The following ZYG11B variants were observed in gnomAD, a reference collection of about 807,000 sequenced individuals.
ZYG11B encodes protein zyg-11 homolog B.
Under a neutral mutation model 82.4 loss-of-function variants are expected in ZYG11B, and 36 were observed. That is an observed-to-expected ratio of 0.44 (90% CI 0.33 to 0.58). The LOEUF is 0.58. ZYG11B is among the 20% of genes least tolerant of loss of function. ZYG11B has a pLI of 0.02. For missense variants in ZYG11B, 552 were observed against 895.6 expected, an observed-to-expected ratio of 0.62 and a Z score of 4.90; for synonymous variants, 303 against 312.8, an observed-to-expected ratio of 0.97 and a Z score of 0.33.
At chr1:52,806,207 T>C (rs1645140391) in intron 10 of ZYG11B, among the ~76,000 whole-genome samples, 1 of 152,176 alleles carries the variant, frequency 6.6e-6, no homozygotes, top group Non-Finnish European at 1.5e-5. Flanking sequence ...TGGTAAATAT[T>C]CCATGTACAC....
intron 13 of ZYG11B, among the ~76,000 whole-genome samples, chr1:52,820,712 TTTAA>T (rs1217977319): frequency 2.7e-5 from 2 of 74,860 alleles, no homozygotes; most frequent in African/African-American, 1.9e-4. Context: ...TGAGACTGTC[TTTAA>T]AAAAAAAAAA....
chr1:52,811,051 A>AGAG (rs71044422), intron 10 of ZYG11B, among the ~76,000 whole-genome samples: 32,413 of 142,748 alleles, frequency 0.23, 6,803 homozygotes, highest in East Asian at 0.54. Context: ...AAAAAAAAAA[A>AGAG]AGAGAAATTT....
At position 52,749,466 on chromosome 1, in the gene ZYG11B, C is replaced by G. The variant is rs531514167; in HGVS notation, c.31-6992C>G. Among the ~76,000 whole-genome samples, 42 of 152,154 alleles carry G rather than the reference C, an allele frequency of 2.8e-4. No homozygotes were observed. In the South Asian group the frequency reaches 8.7e-3, roughly 32 times the overall value. ...CGAATACCTTGCTAAAGTGTTTATA[C>G]TTTATAGGTCTCTCTTTTTCCAACT... On this transcript the variant is annotated intron_variant, in intron 1 of 13. Transcript: ENST00000294353.
In ZYG11B at chr1:52,803,213, TATATATATATACACAC is replaced by T. The variant is rs1558140472; in HGVS notation, c.1695+1092_1695+1107del. ...ACACATATATATATATACACACACA[TATATATATATACACAC>T]ATATATATATACACACACACATATA... is the stretch of plus-strand genomic sequence containing the variant. On this transcript the variant is annotated intron_variant, in intron 10 of 13. Transcript: ENST00000294353. Among the ~76,000 whole-genome samples, 5 of 65,116 alleles carry T rather than the reference TATATATATATACACAC, an allele frequency of 7.7e-5. 1 individual carries two copies. In the African/African-American group the frequency reaches 8.8e-4, roughly 11 times the overall value. The allele number at this position is 65,116 out of a possible 152,430, so 42.7% of individuals were successfully genotyped here.
At chr1:52,793,751 G>A (rs1241783726) in intron 6 of ZYG11B, among the ~76,000 whole-genome samples, 1 of 152,076 alleles carries the variant, frequency 6.6e-6, no homozygotes, top group East Asian at 1.9e-4. Context: ...GAAAGCATAG[G>A]GTAGGCAGGA....
chr1:52,826,700 C>G lies in ZYG11B; in HGVS notation c.*5071C>G, dbSNP rs536768058. ...CTTCTCATGACTCTAAAGTAAAGCTCTTTTGGATAGCACAGCCTAACTTTA... is the reference window on the plus strand; with the variant it reads ...CTTCTCATGACTCTAAAGTAAAGCTGTTTTGGATAGCACAGCCTAACTTTA... On this transcript the variant is annotated 3_prime_UTR_variant, in exon 14 of 14. Transcript: ENST00000294353. 6.6e-6 allele frequency: 1 copy of G among 152,256 alleles called. No homozygotes were observed. The highest frequency in any genetic ancestry group is 2.1e-4 in the South Asian group (1 of 4,818). The allele number at this position is 152,256 out of a possible 1,614,324, so 9.4% of individuals were successfully genotyped here. A position where few individuals can be genotyped will look rare whatever the true frequency, so the allele number is the denominator to read the frequency against.
At chr1:52,752,391 G>T (rs1288480427) in intron 1 of ZYG11B, among the ~76,000 whole-genome samples, 1 of 152,172 alleles carries the variant, frequency 6.6e-6, no homozygotes, top group Non-Finnish European at 1.5e-5. Flanking sequence ...ACTTCAATGT[G>T]TGCAGCAGCC....
intron 8 of ZYG11B, among the ~76,000 whole-genome samples, chr1:52,797,078 T>TAAA (rs1645021296): frequency 1.1e-5 from 1 of 87,002 alleles, no homozygotes; most frequent in Non-Finnish European, 2.0e-5. Context: ...ATATTATATA[T>TAAA]TGTATATATT....
At chr1:52,731,621 A>C (rs1644333219) in intron 1 of ZYG11B, among the ~76,000 whole-genome samples, 2 of 152,290 alleles carry the variant, frequency 1.3e-5, no homozygotes, top group South Asian at 4.1e-4. Context: ...AGAAGTGAAA[A>C]AAAGACATGG....
At chr1:52,779,813 A>G in intron 3 of ZYG11B, 40 bp from the exon 4 acceptor site, 1 of 1,609,540 alleles carries the variant, frequency 6.2e-7, no homozygotes, top group Non-Finnish European at 8.5e-7. Flanking sequence ...AGATAGAGAA[A>G]GAGAGAGAAT....
chr1:52,745,248 C>T lies in ZYG11B; in HGVS notation c.31-11210C>T, dbSNP rs567718386. 2.0e-5 allele frequency among the ~76,000 whole-genome samples: 3 copies of T among 152,296 alleles called. No homozygotes were observed. The East Asian group carries it at 5.8e-4, about 29-fold the overall frequency. On this transcript the variant is annotated intron_variant, in intron 1 of 13. Coordinates refer to ENST00000294353, the MANE Select transcript of ZYG11B (RefSeq NM_024646.3). The stretch of plus-strand genomic sequence containing the variant: ...TGAGTGTTGTGTAAATGACTAAATA[C>T]TTCAAGGCAGGAGCATTTAGGAAGA...
chr1:52,809,764 G>A (rs986025240), intron 10 of ZYG11B, among the ~76,000 whole-genome samples: 1 of 152,068 alleles, frequency 6.6e-6, no homozygotes, highest in Non-Finnish European at 1.5e-5. Flanking sequence ...CTGATGATAA[G>A]TGGTGTTGAG....
At chr1:52,766,311 G>T (rs1644689509) in intron 2 of ZYG11B, among the ~76,000 whole-genome samples, 1 of 151,330 alleles carries the variant, frequency 6.6e-6, no homozygotes, top group Non-Finnish European at 1.5e-5. Flanking sequence ...AGTAGAGATG[G>T]GGTTTCGTCA....
At chr1:52,742,128 G>A (rs1223396782) in intron 1 of ZYG11B, among the ~76,000 whole-genome samples, 1 of 152,154 alleles carries the variant, frequency 6.6e-6, no homozygotes, top group Non-Finnish European at 1.5e-5. Flanking sequence ...GTCAGTCTTA[G>A]GAAGCTTTTG....
rs374082954 is a variant in ZYG11B, at chr1:52,743,039, A to G, written c.31-13419A>G. Among the ~76,000 whole-genome samples the G allele has an allele frequency of 9.2e-5, 14 of 151,750 alleles. 2 individuals are homozygous for G. The highest frequency in any genetic ancestry group is 5.8e-4 in the East Asian group (3 of 5,136). ...TGAGGAGCCCCTCTGCCCGGCCGCC[A>G]CCCCATCTGGGAGGTATACCCAACA... On this transcript the variant is annotated intron_variant, in intron 1 of 13. Coordinates refer to ENST00000294353, the MANE Select transcript of ZYG11B (RefSeq NM_024646.3).
At chr1:52,811,545 A>G (rs1325037791) in intron 10 of ZYG11B, among the ~76,000 whole-genome samples, 1 of 152,032 alleles carries the variant, frequency 6.6e-6, no homozygotes, top group Admixed American at 6.6e-5. Flanking sequence ...GCCTGAAGTG[A>G]TCCTCCCACC....
intron 10 of ZYG11B, 57 bp downstream of exon 10, chr1:52,802,196 T>C (rs1645080493): frequency 1.3e-6 from 2 of 1,549,148 alleles, no homozygotes; most frequent in African/African-American, 2.8e-5. Context: ...CTGTCTGAAG[T>C]AACACATTGA....
intron 10 of ZYG11B, among the ~76,000 whole-genome samples, chr1:52,812,402 T>G (rs1645191192): frequency 6.6e-6 from 1 of 152,070 alleles, no homozygotes. Flanking sequence ...TTATTTTATT[T>G]TTATTATTAT....
chr1:52,811,768 T>C (rs558132323), intron 10 of ZYG11B, among the ~76,000 whole-genome samples: 29 of 152,286 alleles, frequency 1.9e-4, no homozygotes, highest in South Asian at 6.2e-4. Context: ...CGGTGGCGCA[T>C]GCCTGTAATC....
Sources: gnomAD v4.1 joint callset for allele counts (sites outside exome capture counted in the v4.1 genomes callset) on GRCh38, gnomAD v4.1.1 for gene constraint, MANE v1.5 for transcripts, NCBI Gene and HGNC (gene_info 2026-07-23, HGNC 2026-07-21) for gene names.